Variants in TFAM observed in about 807,000 individuals in gnomAD.
TFAM encodes transcription factor A, mitochondrial.
Under a neutral mutation model 30.6 loss-of-function variants are expected in TFAM, and 13 were observed. The ratio of observed to expected loss-of-function variants is 0.42; its 90% CI spans 0.28 to 0.67. The LOEUF is 0.67. Among genes scored for constraint, TFAM ranks in the 30% least tolerant of loss-of-function variants. The pLI is 0.21. For missense variants in TFAM, 231 were observed against 293.7 expected (o/e 0.79, Z 1.56); for synonymous variants, 106 against 94.8 (o/e 1.12, Z -0.69).
Position 58,385,443 on chromosome 10 carries a change from ACG to A in TFAM, c.-103_-102del. The A allele has an allele frequency of 1.2e-6, 1 of 831,096 alleles. No individual in the cohort carries two copies. The highest frequency in any genetic ancestry group is 1.5e-5 in the South Asian group (1 of 67,472). 51.5% of individuals were successfully genotyped at this position (831,096 alleles called of 1,614,324 possible). A position where few individuals can be genotyped will look rare whatever the true frequency, so the allele number is the denominator to read the frequency against. On this transcript the variant is annotated 5_prime_UTR_variant, in exon 1 of 7. It introduces an in-frame stop codon into an upstream open reading frame of the 5' UTR. Transcript: ENST00000487519. Reference sequence around the variant, plus strand: ...TCGCTAGTGGCGGGCATGATAACACACGCCGGAGGGTCGCACGCGGGTTCCAG... The same window carrying A: ...TCGCTAGTGGCGGGCATGATAACACACCGGAGGGTCGCACGCGGGTTCCAG...
At chr10:58,392,114 G>T (rs1254063808) in intron 5 of TFAM, among the ~76,000 whole-genome samples, 1 of 151,624 alleles carries the variant, frequency 6.6e-6, no homozygotes, top group African/African-American at 2.4e-5. Flanking sequence ...TTATCCTTGT[G>T]GTGCTGCTTT....
At chr10:58,390,004 C>T (rs974730732) in intron 4 of TFAM, among the ~76,000 whole-genome samples, 10 of 152,128 alleles carry the variant, frequency 6.6e-5, no homozygotes, top group African/African-American at 1.4e-4. Flanking sequence ...TTGTAAAGTG[C>T]TTGGAGTCTA....
chr10:58,386,990 G>A (rs1283442572), intron 2 of TFAM, among the ~76,000 whole-genome samples: 1 of 152,156 alleles, frequency 6.6e-6, no homozygotes, highest in African/African-American at 2.4e-5. Context: ...CAGGCTGGGT[G>A]AGGTGGTTCA....
intron 2 of TFAM, 39 bp downstream of exon 2, chr10:58,386,377 T>A: frequency 7.1e-7 from 1 of 1,399,832 alleles, no homozygotes; most frequent in Non-Finnish European, 1.0e-6. Context: ...TCTCATGTAA[T>A]AAAAATGCCA....
At chr10:58,388,533 A>G in intron 3 of TFAM, 137 bp from the exon 4 acceptor site, 1 of 957,010 alleles carries the variant, frequency 1.0e-6, no homozygotes, top group Non-Finnish European at 1.7e-6. Flanking sequence ...ATCCATATAC[A>G]TCTCATCCCA....
intron 5 of TFAM, among the ~76,000 whole-genome samples, chr10:58,392,239 C>G (rs1208405150): frequency 6.6e-6 from 1 of 152,128 alleles, no homozygotes; most frequent in Admixed American, 6.5e-5. Flanking sequence ...TGTCTGTATC[C>G]TCACATTCAC....
At chr10:58,392,187 G>A (rs1372712776) in intron 5 of TFAM, among the ~76,000 whole-genome samples, 2 of 152,064 alleles carry the variant, frequency 1.3e-5, no homozygotes, top group East Asian at 1.9e-4. Flanking sequence ...CCCAGTAAAG[G>A]TGCATGGGAG....
rs1465923437 is a variant in TFAM, at chr10:58,385,667, GC to G, written c.101+22del. ...CCTTCAGGTAGGCCCGCTTGCCTGT[GC>G]CCTAGGGGCAGCAGGGCCCAGGACG... On this transcript the variant is annotated intron_variant, in intron 1 of 6. Coordinates refer to ENST00000487519, the MANE Select transcript of TFAM (RefSeq NM_003201.3). 2.3e-5 allele frequency: 36 copies of G among 1,539,880 alleles called. No homozygotes were observed. The highest frequency in any genetic ancestry group is 3.2e-5 in the Non-Finnish European group (36 of 1,136,864).
chr10:58,388,103 A>T, intron 2 of TFAM, 87 bp from the exon 3 acceptor site: 1 of 983,316 alleles, frequency 1.0e-6, no homozygotes. Context: ...TATGTGTGGT[A>T]TGGATTGTGC....
At chr10:58,391,069 A>G (rs550165318) in intron 5 of TFAM, among the ~76,000 whole-genome samples, 2 of 152,206 alleles carry the variant, frequency 1.3e-5, no homozygotes, top group South Asian at 4.1e-4. Context: ...TACATTGCCA[A>G]CTTTTTAAAT....
At position 58,390,753 on chromosome 10, in the gene TFAM, T is replaced by C; in HGVS notation, c.442-12T>C. 6.2e-7 allele frequency: 1 copy of C among 1,609,226 alleles called. No homozygotes were observed. The highest frequency in any genetic ancestry group is 2.2e-5 in the East Asian group (1 of 44,798). On this transcript the variant is annotated splice_polypyrimidine_tract_variant and intron_variant, in intron 4 of 6. Coordinates refer to ENST00000487519, the MANE Select transcript of TFAM (RefSeq NM_003201.3). ...TAACACTATTTTTGACCCTCCAATT[T>C]TTTTAATTCAGGAGTTAACACTGCT... is the stretch of plus-strand genomic sequence containing the variant.
At chr10:58,393,788 C>T (rs997910465) in intron 5 of TFAM, among the ~76,000 whole-genome samples, 8 of 151,694 alleles carry the variant, frequency 5.3e-5, no homozygotes, top group Non-Finnish European at 1.2e-4. Context: ...CCAGCTACTC[C>T]AGAAGTTGAG....
chr10:58,390,664 G>T (rs1840574323), intron 4 of TFAM, 101 bp from the exon 5 acceptor site: 1 of 902,614 alleles, frequency 1.1e-6, no homozygotes, highest in South Asian at 1.4e-5. Context: ...TCACTTTAAG[G>T]AATAATCTGT....
intron 4 of TFAM, among the ~76,000 whole-genome samples, chr10:58,389,406 A>G (rs1199623298): frequency 6.6e-6 from 1 of 152,122 alleles, no homozygotes; most frequent in Non-Finnish European, 1.5e-5. Flanking sequence ...AAAGTTATAC[A>G]TTTTTTTCAT....
chr10:58,392,471 G>A (rs1341313207), intron 5 of TFAM, among the ~76,000 whole-genome samples: 5 of 149,286 alleles, frequency 3.3e-5, no homozygotes, highest in South Asian at 2.1e-4. Context: ...ATTTTTTTCC[G>A]TACTGTTTTC....
At chr10:58,391,905 T>C (rs1259523416) in intron 5 of TFAM, among the ~76,000 whole-genome samples, 1 of 151,748 alleles carries the variant, frequency 6.6e-6, no homozygotes, top group South Asian at 2.1e-4. Context: ...AAGTTGCTTA[T>C]GTCTGTTTGT....
chr10:58,385,631 A>C lies in TFAM; in HGVS notation c.84A>C (p.Arg28=). 1 of 1,558,518 alleles carries C rather than the reference A, an allele frequency of 6.4e-7. No homozygotes were observed. The highest frequency in any genetic ancestry group is 8.7e-7 in the Non-Finnish European group (1 of 1,150,896). ...AGCTGTGCACCGGCTGTGGAAGTCGACTGCGCTCCCCCTTCAGGTAGGCCC... is the reference window on the plus strand; with the variant it reads ...AGCTGTGCACCGGCTGTGGAAGTCGCCTGCGCTCCCCCTTCAGGTAGGCCC... ...GAELCTGCGS[R]LRSPFSFVYL... The change falls in exon 1 of 7, where the codon CGA becomes CGC. Residue 28 remains arginine (R), a synonymous_variant. Transcript: ENST00000487519.
intron 4 of TFAM, among the ~76,000 whole-genome samples, chr10:58,389,577 C>T (rs1840553651): frequency 6.6e-6 from 1 of 152,160 alleles, no homozygotes; most frequent in South Asian, 2.1e-4. Context: ...TTAAGCTGTC[C>T]TAGCACTAGG....
intron 5 of TFAM, among the ~76,000 whole-genome samples, chr10:58,393,179 C>T (rs1464475634): frequency 1.3e-5 from 2 of 151,818 alleles, no homozygotes; most frequent in Non-Finnish European, 2.9e-5. Flanking sequence ...TGGGGTTTCA[C>T]CATATTGGCC....
Sources: allele counts gnomAD v4.1 joint callset (sites outside exome capture counted in the v4.1 genomes callset), GRCh38; gene constraint gnomAD v4.1.1; transcripts MANE v1.5; gene names NCBI Gene and HGNC (gene_info 2026-07-23, HGNC 2026-07-21).